Variants in NUDCD1 observed in about 807,000 individuals in gnomAD.
NUDCD1 encodes the protein nudC domain-containing protein 1.
A neutral mutation model predicts 67.8 loss-of-function variants in NUDCD1; 60 were observed. The observed-to-expected ratio is 0.88, with a 90% confidence interval of 0.72 to 1.10. The LOEUF (loss-of-function observed/expected upper bound fraction) is 1.10, where lower values mean the gene tolerates loss of function less well. NUDCD1 is among the 50% of genes least tolerant of loss of function. NUDCD1 has a pLI of 0.00. For synonymous variants in NUDCD1, 244 were observed against 230.8 expected (o/e 1.06, Z -0.52); for missense variants, 643 against 695.0 (o/e 0.93, Z 0.84).
chr8:109,275,749 T>C (rs1371942084), intron 6 of NUDCD1, among the ~76,000 whole-genome samples: 1 of 152,012 alleles, frequency 6.6e-6, no homozygotes, highest in Non-Finnish European at 1.5e-5. Flanking sequence ...GAAGAGAGGA[T>C]TGCCTGGAAA....
At chr8:109,296,136 G>A (rs146373189) in intron 3 of NUDCD1, among the ~76,000 whole-genome samples, 10 of 152,176 alleles carry the variant, frequency 6.6e-5, no homozygotes, top group African/African-American at 1.9e-4. Context: ...CATATAAGAT[G>A]TCTGCTGAAA....
At chr8:109,263,103 T>G (rs1813911451) in intron 8 of NUDCD1, among the ~76,000 whole-genome samples, 1 of 147,866 alleles carries the variant, frequency 6.8e-6, no homozygotes, top group South Asian at 2.2e-4. Flanking sequence ...CTTTGTTCTC[T>G]AGAACGCACC....
In NUDCD1 at chr8:109,275,423, C is replaced by G; in HGVS notation, c.1102G>C (p.Glu368Gln). 1 of 1,613,716 alleles carries G rather than the reference C, an allele frequency of 6.2e-7. No homozygotes were observed. Among genetic ancestry groups the G allele is most frequent in the Non-Finnish European group, 8.5e-7 (1 of 1,179,728 alleles). The part of the protein sequence containing the change: ...PELVIGDKQG[E>Q]LIRDSAQCAA... ...CACTGGGCTGAATCTCTTATAAGTT[C>G]CCCTTGTTTATCTCCAATTACTAGC... The change falls in exon 7 of 10, where the codon GAA becomes CAA. Residue 368 changes from glutamate to glutamine, a missense_variant. Coordinates refer to ENST00000239690, the MANE Select transcript of NUDCD1 (RefSeq NM_032869.4).
intron 1 of NUDCD1, among the ~76,000 whole-genome samples, chr8:109,325,207 TG>T (rs1563686430): frequency 2.0e-5 from 3 of 149,958 alleles, no homozygotes; most frequent in African/African-American, 7.4e-5. Context: ...AAGATGGGGG[TG>T]GGGGATGAAG....
chr8:109,296,325 G>A, intron 3 of NUDCD1, 59 bp downstream of exon 3: 3 of 1,301,406 alleles, frequency 2.3e-6, no homozygotes, highest in Non-Finnish European at 3.3e-6. Context: ...TTTAAAATAA[G>A]TAGGGTGTAA....
chr8:109,325,041 G>A (rs138617216), intron 1 of NUDCD1, among the ~76,000 whole-genome samples: 3,127 of 152,262 alleles, frequency 0.021, 106 homozygotes, highest in African/African-American at 0.071. Context: ...AGTGAGCCGA[G>A]ATCGCTCCAC....
At chr8:109,309,462 A>C (rs1815188263) in intron 2 of NUDCD1, among the ~76,000 whole-genome samples, 1 of 152,196 alleles carries the variant, frequency 6.6e-6, no homozygotes. Flanking sequence ...GACATACCTC[A>C]ATGTAATAAA....
At chr8:109,250,115 G>A (rs1350635915) in intron 8 of NUDCD1, among the ~76,000 whole-genome samples, 3 of 152,196 alleles carry the variant, frequency 2.0e-5, no homozygotes, top group South Asian at 4.1e-4. Flanking sequence ...AAAGTGCTAG[G>A]ATTACAGGTG....
chr8:109,255,619 A>C (rs1260499299), intron 8 of NUDCD1, among the ~76,000 whole-genome samples: 1 of 151,928 alleles, frequency 6.6e-6, no homozygotes, highest in East Asian at 1.9e-4. Flanking sequence ...GATACATATA[A>C]ATGTTACCAG....
intron 8 of NUDCD1, among the ~76,000 whole-genome samples, chr8:109,258,570 G>T (rs1563661574): frequency 2.0e-5 from 3 of 152,142 alleles, no homozygotes; most frequent in East Asian, 3.9e-4. Flanking sequence ...TATGATAGCT[G>T]CTAAAAATGG....
rs889583741 is a variant in NUDCD1 at position 109,312,161 on chromosome 8, G to A, written c.273+10148C>T. On this transcript the variant is annotated intron_variant, in intron 2 of 9. Transcript: ENST00000239690. ...TACTAAAAATACAAAAATTAGACAG[G>A]TGTGGTGGCAGGCACCTGTAATCCC... Among the ~76,000 whole-genome samples, 4 of 151,964 alleles carry A rather than the reference G, an allele frequency of 2.6e-5. No homozygotes were observed. In the South Asian group the frequency reaches 6.2e-4, roughly 24 times the overall value.
chr8:109,279,345 T>C (rs1233807629), intron 6 of NUDCD1, among the ~76,000 whole-genome samples: 1 of 152,176 alleles, frequency 6.6e-6, no homozygotes, highest in Non-Finnish European at 1.5e-5. Flanking sequence ...TTAATTTTCC[T>C]AATGTCTAAT....
At chr8:109,248,456 G>A (rs532776924) in intron 8 of NUDCD1, among the ~76,000 whole-genome samples, 1 of 152,110 alleles carries the variant, frequency 6.6e-6, no homozygotes, top group South Asian at 2.1e-4. Context: ...TGAATGTTAT[G>A]TAAAAAGTGA....
intron 5 of NUDCD1, among the ~76,000 whole-genome samples, chr8:109,285,551 A>G (rs1814555510): frequency 1.3e-5 from 2 of 152,222 alleles, no homozygotes; most frequent in South Asian, 4.1e-4. Flanking sequence ...AACAGAATTA[A>G]AAACAAAAAT....
Position 109,275,476 on chromosome 8 carries a change from T to C in NUDCD1, c.1049A>G (p.Lys350Arg), listed in dbSNP as rs774718768. Reference protein sequence around the residue: ...ESNSLEISLIKKNEGLTWPEL... With the variant: ...ESNSLEISLIRKNEGLTWPEL... ...TGGCCAGGTCAGTCCTTCATTCTTC[T>C]TAATCAAGGAAATCTCCAAGCTAGA... Residue 350 changes from lysine to arginine, a missense_variant, in exon 7 of 10, where the codon AAG (lysine) becomes AGG (arginine). Lys to Arg is a conservative substitution (Grantham distance 26, BLOSUM62 2). Transcript: ENST00000239690. The C allele has an allele frequency of 6.0e-5, 96 of 1,611,316 alleles. No homozygotes were observed. The highest frequency in any genetic ancestry group is 4.2e-6 in the Non-Finnish European group (5 of 1,178,842).
chr8:109,298,117 T>G (rs941588990), intron 2 of NUDCD1, among the ~76,000 whole-genome samples: 1 of 151,970 alleles, frequency 6.6e-6, no homozygotes, highest in Non-Finnish European at 1.5e-5. Flanking sequence ...AATTAAATAA[T>G]AAATACTCAA....
At chr8:109,277,491 A>C (rs758357431) in intron 6 of NUDCD1, among the ~76,000 whole-genome samples, 16 of 152,178 alleles carry the variant, frequency 1.1e-4, no homozygotes, top group Non-Finnish European at 2.1e-4. Flanking sequence ...ACAATGCCAA[A>C]TATAATAAAC....
chr8:109,302,615 C>G (rs192479175), intron 2 of NUDCD1, among the ~76,000 whole-genome samples: 99 of 152,298 alleles, frequency 6.5e-4, no homozygotes, highest in African/African-American at 2.3e-3. Context: ...AGCCCTCCCC[C>G]ACCTGCCCAA....
chr8:109,254,787 A>G (rs936500285), intron 8 of NUDCD1, among the ~76,000 whole-genome samples: 6 of 152,120 alleles, frequency 3.9e-5, no homozygotes, highest in Non-Finnish European at 7.4e-5. Context: ...CACTTCTAAT[A>G]CCAAATTAAA....
Sources: gnomAD v4.1 joint callset for allele counts (sites outside exome capture counted in the v4.1 genomes callset) on GRCh38, gnomAD v4.1.1 for gene constraint, MANE v1.5 for transcripts, NCBI Gene and HGNC (gene_info 2026-07-23, HGNC 2026-07-21) for gene names.